The following ZNF782 variants were observed in gnomAD, a reference collection of about 807,000 sequenced individuals.
ZNF782 encodes the protein zinc finger protein 782.
ZNF782 carries 12 observed loss-of-function variants against 13.0 expected under a neutral mutation model. That is an observed-to-expected ratio of 0.92 (90% CI 0.59 to 1.50). The LOEUF is 1.50. ZNF782 is among the 40% of genes most tolerant of loss of function. ZNF782 has a pLI of 0.00. For missense variants in ZNF782, 770 were observed against 822.9 expected, an observed-to-expected ratio of 0.94 and a Z score of 0.79; for synonymous variants, 284 against 283.0, an observed-to-expected ratio of 1.00 and a Z score of -0.04.
chr9:96,870,988 T>A (rs1851818813), intron 1 of ZNF782, among the ~76,000 whole-genome samples: 1 of 152,222 alleles, frequency 6.6e-6, no homozygotes, highest in Admixed American at 6.5e-5. Flanking sequence ...AAATATTGGT[T>A]ATTGATTATC....
At chr9:96,827,717 A>C (rs1267407475) in intron 4 of ZNF782, among the ~76,000 whole-genome samples, 2 of 152,248 alleles carry the variant, frequency 1.3e-5, no homozygotes, top group Non-Finnish European at 2.9e-5. Context: ...AAGAGATTTC[A>C]TAAGGACTTC....
chr9:96,870,369 G>A (rs1287467517), intron 1 of ZNF782, among the ~76,000 whole-genome samples: 1 of 152,156 alleles, frequency 6.6e-6, no homozygotes, highest in East Asian at 1.9e-4. Context: ...CTCTCCTGAA[G>A]GAAGAAGTGA....
In ZNF782 at chr9:96,875,261, G is replaced by A. The variant is rs548184982; in HGVS notation, c.-457+207C>T. On this transcript the variant is annotated intron_variant, in intron 1 of 5. Coordinates refer to the ZNF782 transcript ENST00000498811. ...TAGAGTACTTGTGAGGTTTAGGTGAGTCATCCAATGAAAAGAACAAAGTGT... is the reference window on the plus strand; with the variant it reads ...TAGAGTACTTGTGAGGTTTAGGTGAATCATCCAATGAAAAGAACAAAGTGT... 1.2e-4 allele frequency among the ~76,000 whole-genome samples: 19 copies of A among 152,332 alleles called. No homozygotes were observed. The East Asian group carries it at 3.5e-3, about 28-fold the overall frequency.
At chr9:96,899,970 TTTA>T in the ZNF782 span, among the ~76,000 whole-genome samples, 2 of 151,958 alleles carry the variant, frequency 1.3e-5, no homozygotes, top group East Asian at 3.9e-4. Context: ...CCGCTAATTT[TTTA>T]TTTTTAGTAG....
chr9:96,871,207 C>T (rs972237405), intron 1 of ZNF782, among the ~76,000 whole-genome samples: 11 of 151,980 alleles, frequency 7.2e-5, no homozygotes, highest in Admixed American at 2.0e-4. Flanking sequence ...TATGCTTGTG[C>T]CCTCCAGAGC....
chr9:96,832,152 T>G (rs1269432533), intron 4 of ZNF782, among the ~76,000 whole-genome samples: 3 of 152,166 alleles, frequency 2.0e-5, no homozygotes, highest in Non-Finnish European at 2.9e-5. Context: ...TTAATGTAGT[T>G]TTTTTAGTGG....
intron 1 of ZNF782, among the ~76,000 whole-genome samples, chr9:96,863,208 T>G (rs936014017): frequency 6.6e-6 from 1 of 152,212 alleles, no homozygotes; most frequent in African/African-American, 2.4e-5. Flanking sequence ...GTCTATCAGA[T>G]TTTTCTTAAA....
intron 5 of ZNF782, among the ~76,000 whole-genome samples, chr9:96,823,745 T>C (rs1850505747): frequency 6.6e-6 from 1 of 152,232 alleles, no homozygotes; most frequent in Admixed American, 6.5e-5. Flanking sequence ...TTTAACAAAA[T>C]CTAATAGCAT....
At chr9:96,858,165 G>A (rs938994743), upstream of ZNF782, among the ~76,000 whole-genome samples, 10 of 152,128 alleles carry the variant, frequency 6.6e-5, no homozygotes, top group African/African-American at 2.2e-4. This position sits in a 1 kb window ranked among gnomAD's most constrained non-coding sequence, Gnocchi z 4.4. Context: ...TGGTGTTTCC[G>A]CTGCCTTTAT....
chr9:96,871,051 T>C (rs1007097236), intron 1 of ZNF782, among the ~76,000 whole-genome samples: 1 of 152,174 alleles, frequency 6.6e-6, no homozygotes, highest in Non-Finnish European at 1.5e-5. Context: ...TGGTTCTCAT[T>C]TGCTGATAAA....
chr9:96,854,905 G>C (rs978871372), upstream of ZNF782, among the ~76,000 whole-genome samples: 1 of 148,786 alleles, frequency 6.7e-6, no homozygotes, highest in Non-Finnish European at 1.5e-5. Context: ...TAAGAATTTT[G>C]TAGAAATTTT....
intron 2 of ZNF782, among the ~76,000 whole-genome samples, chr9:96,861,187 A>AT (rs1172726307): frequency 6.6e-6 from 1 of 152,228 alleles, no homozygotes; most frequent in Non-Finnish European, 1.5e-5. Flanking sequence ...CTGGGCAAAT[A>AT]TTTCTTGAAT....
chr9:96,829,053 AT>A (rs1850716284), intron 4 of ZNF782, among the ~76,000 whole-genome samples: 1 of 150,340 alleles, frequency 6.7e-6, no homozygotes, highest in African/African-American at 2.5e-5. Context: ...TCAACTTAAA[AT>A]TTTATACTTG....
intron 5 of ZNF782, among the ~76,000 whole-genome samples, chr9:96,820,406 C>G (rs1850372393): frequency 6.6e-6 from 1 of 152,112 alleles, no homozygotes; most frequent in Non-Finnish European, 1.5e-5. Context: ...GCATTATCAT[C>G]AAAGGAACAC....
At chr9:96,920,692 G>A in the ZNF782 span, among the ~76,000 whole-genome samples, 1 of 148,814 alleles carries the variant, frequency 6.7e-6, no homozygotes, top group Non-Finnish European at 1.5e-5. Context: ...CGAGGCAGGC[G>A]GATCCAGGGT....
chr9:96,931,307 G>A, the ZNF782 span, among the ~76,000 whole-genome samples: 4 of 151,608 alleles, frequency 2.6e-5, no homozygotes, highest in Middle Eastern at 3.4e-3. Flanking sequence ...CTGGTTTCCT[G>A]TCGGCCTTCT....
chr9:96,826,691 G>A lies in ZNF782; in HGVS notation c.244+389C>T, dbSNP rs189457312. On this transcript the variant is annotated intron_variant, in intron 5 of 5. Coordinates refer to ENST00000481138, the MANE Select transcript of ZNF782 (RefSeq NM_001001662.3). ...ACAAGATTCTCATAACTGCCGAGGG[G>A]CTCACCGTGCCAGCCCTGCACAAAC... Among the ~76,000 whole-genome samples the A allele has an allele frequency of 2.8e-4, 43 of 152,264 alleles. 1 individual carries two copies. In the East Asian group the frequency reaches 5.2e-3, roughly 18 times the overall value.
At chr9:96,821,427 A>G (rs1040578633) in intron 5 of ZNF782, among the ~76,000 whole-genome samples, 1 of 152,224 alleles carries the variant, frequency 6.6e-6, no homozygotes, top group Non-Finnish European at 1.5e-5. Context: ...ACACACACAT[A>G]CAAAAGGCTT....
chr9:96,846,033 TG>T, intron 3 of ZNF782, among the ~76,000 whole-genome samples: 1 of 152,248 alleles, frequency 6.6e-6, no homozygotes, highest in East Asian at 1.9e-4. Flanking sequence ...AAGAAGGGAT[TG>T]GGGGTCCTAT....
Sources: allele counts gnomAD v4.1 joint callset (sites outside exome capture counted in the v4.1 genomes callset), GRCh38; gene constraint gnomAD v4.1.1; non-coding constraint Gnocchi (gnomAD v3.1); transcripts MANE v1.5; gene names NCBI Gene and HGNC (gene_info 2026-07-23, HGNC 2026-07-21).